The following UGT2B28 variants were observed in gnomAD, a reference collection of about 807,000 sequenced individuals.
UGT2B28 encodes the protein UDP glucuronosyltransferase family 2 member B28, also known as UDP-glucuronosyltransferase 2B28.
Under a neutral mutation model 43.6 loss-of-function variants are expected in UGT2B28, and 45 were observed. That is an observed-to-expected ratio of 1.03 (90% confidence interval 0.81 to 1.32). The LOEUF is 1.32. Among genes scored for constraint, UGT2B28 ranks in the 40% most tolerant of loss-of-function variants. The pLI, the probability that UGT2B28 is intolerant of heterozygous loss-of-function variation, is 0.00. For synonymous variants in UGT2B28, 204 were observed against 208.1 expected (o/e 0.98, Z 0.17); for missense variants, 649 against 625.5 (o/e 1.04, Z -0.40).
chr4:69,282,336 G>A (rs1723637172), intron 1 of UGT2B28, among the ~76,000 whole-genome samples, 178 bp from the exon 2 acceptor site: 2 of 138,730 alleles, frequency 1.4e-5, no homozygotes, highest in African/African-American at 2.8e-5. Context: ...AAATAAACAT[G>A]GACAAAATAT....
chr4:69,286,673 C>A (rs1325184019), intron 2 of UGT2B28, 79 bp from the exon 3 acceptor site: 2 of 1,466,608 alleles, frequency 1.4e-6, no homozygotes, highest in Non-Finnish European at 1.8e-6. Context: ...GATTTTCTCT[C>A]TTTAATATTT....
rs1457294569 is a variant in UGT2B28, at chr4:69,288,062, A to T, written c.1002+1179A>T. Among the ~76,000 whole-genome samples the T allele has an allele frequency of 1.4e-5, 2 of 139,866 alleles. 1 individual carries two copies. 91.8% of individuals were successfully genotyped at this position (139,866 alleles called of 152,430 possible). ...GCACGTTGTCTAAGTGATAATAATC[A>T]GTTGACCAAATTCAGCAAAATACAA... On this transcript the variant is annotated intron_variant, in intron 3 of 5. Transcript: ENST00000335568.
intron 3 of UGT2B28, among the ~76,000 whole-genome samples, chr4:69,289,245 A>G (rs758169160): frequency 3.6e-5 from 5 of 139,792 alleles, no homozygotes; most frequent in Non-Finnish European, 7.6e-5. Flanking sequence ...AATCTCGCCA[A>G]CATCATGATA....
At chr4:69,281,436 C>A (rs568101979) in intron 1 of UGT2B28, among the ~76,000 whole-genome samples, 2 of 140,200 alleles carry the variant, frequency 1.4e-5, no homozygotes, top group Non-Finnish European at 3.0e-5. Flanking sequence ...ATACAGAACA[C>A]CCCAGGAAAT....
rs868857913 is a variant in UGT2B28, at chr4:69,293,957, G to T, written c.1311-573G>T. ...AGCAAAGTGACAAGCCATGAGGTAT[G>T]TCACTCGCCATGATAAAATTCCTTT... On this transcript the variant is annotated intron_variant, in intron 5 of 5. Coordinates refer to ENST00000335568, the MANE Select transcript of UGT2B28 (RefSeq NM_053039.2). Among the ~76,000 whole-genome samples the T allele has an allele frequency of 3.6e-5, 5 of 140,308 alleles. 2 individuals are homozygous for T. The South Asian group carries it at 1.2e-3, about 33-fold the overall frequency. The allele number at this position is 140,308 out of a possible 152,430, so 92.0% of individuals were successfully genotyped here.
In UGT2B28 at chr4:69,287,105, T is replaced by C. The variant is rs151334448; in HGVS notation, c.1002+222T>C. On this transcript the variant is annotated intron_variant, in intron 3 of 5. Coordinates refer to ENST00000335568, the MANE Select transcript of UGT2B28 (RefSeq NM_053039.2). ...TACTACCCTTGGTATGCATGAGTGG[T>C]TCCTATTACTACCAGTGGGAACTCA... Among the ~76,000 whole-genome samples, 416 of 138,696 alleles carry C rather than the reference T, an allele frequency of 3.0e-3. 81 individuals are homozygous for C. The highest frequency in any genetic ancestry group is 9.0e-3 in the African/African-American group (319 of 35,310). 91.0% of individuals were successfully genotyped at this position (138,696 alleles called of 152,430 possible). A position where few individuals can be genotyped will look rare whatever the true frequency, so the allele number is the denominator to read the frequency against.
chr4:69,285,063 A>G (rs902781705), intron 2 of UGT2B28, among the ~76,000 whole-genome samples: 2 of 139,710 alleles, frequency 1.4e-5, no homozygotes, highest in Non-Finnish European at 3.0e-5. Context: ...TATCAATGAA[A>G]TATTCAATTA....
At chr4:69,290,469 C>A in intron 4 of UGT2B28, 123 bp from the exon 5 acceptor site, 1 of 1,294,792 alleles carries the variant, frequency 7.7e-7, no homozygotes, top group Non-Finnish European at 1.1e-6. Context: ...CCTCTGAAGT[C>A]TGAAAAGTAA....
In UGT2B28 at chr4:69,294,344, A is replaced by C. The variant is rs190749752; in HGVS notation, c.1311-186A>C. Among the ~76,000 whole-genome samples the C allele has an allele frequency of 5.6e-3, 780 of 140,388 alleles. 103 individuals are homozygous for C. The highest frequency in any genetic ancestry group is 0.022 in the Middle Eastern group (6 of 276). 92.1% of individuals were successfully genotyped at this position (140,388 alleles called of 152,430 possible). A position where few individuals can be genotyped will look rare whatever the true frequency, so the allele number is the denominator to read the frequency against. ...CATTTCTGCTTTAAAAATGTTTGTC[A>C]ATGAGAAAAGTCCAATTTAAAAGCC... is the stretch of plus-strand genomic sequence containing the variant. On this transcript the variant is annotated intron_variant, in intron 5 of 5. Coordinates refer to ENST00000335568, the MANE Select transcript of UGT2B28 (RefSeq NM_053039.2).
intron 4 of UGT2B28, 56 bp from the exon 5 acceptor site, chr4:69,290,536 T>C (rs1317969222): frequency 3.3e-6 from 5 of 1,527,608 alleles, no homozygotes; most frequent in Non-Finnish European, 4.4e-6. Flanking sequence ...GAGCATTTCA[T>C]TGTGTATCGC....
Position 69,280,564 on chromosome 4 carries a change from A to G in UGT2B28, c.64A>G (p.Ser22Gly), listed in dbSNP as rs761811994. 6.4e-7 allele frequency: 1 copy of G among 1,560,172 alleles called. No homozygotes were observed. The highest frequency in any genetic ancestry group is 8.7e-7 in the Non-Finnish European group (1 of 1,155,658). Residue 22 changes from serine to glycine, a missense_variant, in exon 1 of 6, where the codon AGT (serine) becomes GGT (glycine). Physicochemically the swap from Ser to Gly is moderately conservative, Grantham distance 56. Transcript: ENST00000335568. ...IHLGCYFSSG[S>G]CGKVLVWTGE... The stretch of plus-strand genomic sequence containing the variant: ...TCTCGGTTGTTACTTTAGCTCTGGG[A>G]GTTGTGGAAAGGTGCTGGTGTGGAC...
intron 2 of UGT2B28, among the ~76,000 whole-genome samples, chr4:69,285,014 A>T (rs1723729038): frequency 1.4e-5 from 2 of 140,342 alleles, no homozygotes; most frequent in East Asian, 2.0e-4. Flanking sequence ...TGAAAGAATG[A>T]TTAAAATTTA....
At chr4:69,283,725 A>T (rs1723689951) in intron 2 of UGT2B28, among the ~76,000 whole-genome samples, 1 of 140,620 alleles carries the variant, frequency 7.1e-6, no homozygotes, top group Non-Finnish European at 1.5e-5. Context: ...AATACTACTA[A>T]CTACTTAACA....
intron 5 of UGT2B28, among the ~76,000 whole-genome samples, chr4:69,291,138 T>C (rs1170406926): frequency 1.4e-5 from 2 of 140,806 alleles, no homozygotes; most frequent in South Asian, 2.4e-4. Flanking sequence ...TATTATAAAA[T>C]GTTTTAATTA....
chr4:69,288,115 T>G lies in UGT2B28; in HGVS notation c.1002+1232T>G, dbSNP rs189698496. Among the ~76,000 whole-genome samples, 277 of 133,004 alleles carry G rather than the reference T, an allele frequency of 2.1e-3. 56 individuals are homozygous for G. Among genetic ancestry groups the G allele is most frequent in the African/African-American group, 8.1e-3 (270 of 33,366 alleles). The allele number at this position is 133,004 out of a possible 152,430, so 87.3% of individuals were successfully genotyped here. A position where few individuals can be genotyped will look rare whatever the true frequency, so the allele number is the denominator to read the frequency against. The stretch of plus-strand genomic sequence containing the variant: ...TTGAGTTTATTCAACAGCTTTATTT[T>G]TATTCATGATTCCAACAGGCTCCTC... On this transcript the variant is annotated intron_variant, in intron 3 of 5. Coordinates refer to ENST00000335568, the MANE Select transcript of UGT2B28 (RefSeq NM_053039.2).
At chr4:69,289,237 T>C (rs373773273) in intron 3 of UGT2B28, among the ~76,000 whole-genome samples, 3 of 139,810 alleles carry the variant, frequency 2.1e-5, no homozygotes, top group Non-Finnish European at 3.0e-5. Flanking sequence ...TTCTATACAA[T>C]CTCGCCAACA....
At chr4:69,285,268 G>C (rs1241880519) in intron 2 of UGT2B28, among the ~76,000 whole-genome samples, 1 of 139,498 alleles carries the variant, frequency 7.2e-6, no homozygotes, top group African/African-American at 2.8e-5. Context: ...AATATCTCTA[G>C]GTAGAAATTT....
At chr4:69,294,345 A>G (rs1358076870) in intron 5 of UGT2B28, among the ~76,000 whole-genome samples, 185 bp from the exon 6 acceptor site, 1 of 140,344 alleles carries the variant, frequency 7.1e-6, no homozygotes, top group Admixed American at 7.1e-5. Context: ...ATGTTTGTCA[A>G]TGAGAAAAGT....
chr4:69,289,881 T>C, intron 4 of UGT2B28, 129 bp downstream of exon 4: 13 of 1,043,300 alleles, frequency 1.2e-5, no homozygotes, highest in African/African-American at 1.9e-5. Flanking sequence ...GTATTTATTT[T>C]CCAGTCCTAG....
Sources: allele counts gnomAD v4.1 joint callset (sites outside exome capture counted in the v4.1 genomes callset), GRCh38; gene constraint gnomAD v4.1.1; transcripts MANE v1.5; gene names NCBI Gene and HGNC (gene_info 2026-07-23, HGNC 2026-07-21).